Variants in CHSY3 observed in about 807,000 individuals in gnomAD.
CHSY3 encodes the protein N-acetylgalactosaminyl-proteoglycan 3-beta-glucuronosyltransferase 3.
CHSY3 carries 35 observed loss-of-function variants against 67.2 expected under a neutral mutation model. The observed-to-expected ratio is 0.52, with a 90% CI of 0.40 to 0.69. The LOEUF (loss-of-function observed/expected upper bound fraction) is 0.69, where lower values mean the gene tolerates loss of function less well. Among genes scored for constraint, CHSY3 ranks in the 30% least tolerant of loss-of-function variants. The pLI, the probability that CHSY3 is intolerant of heterozygous loss-of-function variation, is 0.00. For synonymous variants in CHSY3, 474 were observed against 434.7 expected (o/e 1.09, Z -1.12); for missense variants, 1,069 against 1,138.5 (o/e 0.94, Z 0.88).
At chr5:129,920,395 G>A (rs763505169) in intron 2 of CHSY3, among the ~76,000 whole-genome samples, 5 of 152,068 alleles carry the variant, frequency 3.3e-5, no homozygotes, top group South Asian at 2.1e-4. Context: ...ACAGACATGC[G>A]CCACTACATC....
chr5:130,178,552 G>A (rs1051015222), intron 2 of CHSY3, among the ~76,000 whole-genome samples: 3 of 151,950 alleles, frequency 2.0e-5, no homozygotes, highest in Non-Finnish European at 4.4e-5. Flanking sequence ...GCACCCGGCC[G>A]TGGTCTGGTT....
At chr5:130,071,370 T>A in intron 2 of CHSY3, among the ~76,000 whole-genome samples, 1 of 152,050 alleles carries the variant, frequency 6.6e-6, no homozygotes, top group East Asian at 1.9e-4. Context: ...AACCTGACAT[T>A]TGTATTCTGT....
chr5:130,035,070 G>A (rs777002738), intron 2 of CHSY3, among the ~76,000 whole-genome samples: 20 of 152,154 alleles, frequency 1.3e-4, no homozygotes, highest in Non-Finnish European at 2.2e-4. Context: ...TGGTGAGATG[G>A]GAATGCATAG....
chr5:129,919,387 A>G (rs1207939000), intron 2 of CHSY3, among the ~76,000 whole-genome samples: 2 of 152,180 alleles, frequency 1.3e-5, no homozygotes, highest in East Asian at 3.9e-4. Flanking sequence ...CTCAGTGGAC[A>G]TAGTTGGTGT....
At chr5:129,941,341 T>A (rs1761692510) in intron 2 of CHSY3, among the ~76,000 whole-genome samples, 1 of 152,190 alleles carries the variant, frequency 6.6e-6, no homozygotes, top group Non-Finnish European at 1.5e-5. Flanking sequence ...AATGTATTAT[T>A]TACGTAAATC....
chr5:129,904,778 C>G lies in CHSY3; in HGVS notation c.-52C>G. On this transcript the variant is annotated 5_prime_UTR_variant, in exon 1 of 3. Coordinates refer to ENST00000305031, the MANE Select transcript of CHSY3 (RefSeq NM_175856.5). ...AGGGGCGGGTGTGAGCCGGGGAAAC[C>G]GCGTGCCGCGCCGCGACAGCCCAGC... is the stretch of plus-strand genomic sequence containing the variant. 1 of 1,311,350 alleles carries G rather than the reference C, an allele frequency of 7.6e-7. No homozygotes were observed. Among genetic ancestry groups the G allele is most frequent in the Non-Finnish European group, 9.7e-7 (1 of 1,031,216 alleles). The allele number at this position is 1,311,350 out of a possible 1,614,324, so 81.2% of individuals were successfully genotyped here.
At chr5:130,107,855 C>A (rs1767461575) in intron 2 of CHSY3, among the ~76,000 whole-genome samples, 1 of 151,672 alleles carries the variant, frequency 6.6e-6, no homozygotes, top group Admixed American at 6.6e-5. Flanking sequence ...CTGCTTAATT[C>A]TTCTCTCTTC....
chr5:129,929,582 T>G lies in CHSY3; in HGVS notation c.1086+21222T>G, dbSNP rs1297066746. The stretch of plus-strand genomic sequence containing the variant: ...TGATTAGTGTAGGTTAGAATGAAGA[T>G]TTCTCATTTACTGCTCAAAAATATA... On this transcript the variant is annotated intron_variant, in intron 2 of 2. Coordinates refer to ENST00000305031, the MANE Select transcript of CHSY3 (RefSeq NM_175856.5). Among the ~76,000 whole-genome samples the G allele has an allele frequency of 2.0e-5, 3 of 152,174 alleles. No individual in the cohort carries two copies. In the East Asian group the frequency reaches 5.8e-4, roughly 29 times the overall value.
At chr5:130,171,454 A>T (rs1233796807) in intron 2 of CHSY3, among the ~76,000 whole-genome samples, 1 of 152,146 alleles carries the variant, frequency 6.6e-6, no homozygotes, top group Non-Finnish European at 1.5e-5. Context: ...TGATTTCTTT[A>T]AGATTTTTAA....
At chr5:129,975,386 T>C (rs1762777524) in intron 2 of CHSY3, among the ~76,000 whole-genome samples, 1 of 152,154 alleles carries the variant, frequency 6.6e-6, no homozygotes, top group Non-Finnish European at 1.5e-5. Flanking sequence ...GACTTATCGT[T>C]GACTTTCAAT....
intron 2 of CHSY3, among the ~76,000 whole-genome samples, chr5:130,082,136 A>G (rs1737819096): frequency 6.6e-6 from 1 of 152,056 alleles, no homozygotes; most frequent in South Asian, 2.1e-4. Context: ...GTTAACCAGA[A>G]CCCAAATGTT....
chr5:130,147,400 T>G (rs1305985727), intron 2 of CHSY3, among the ~76,000 whole-genome samples: 1 of 152,210 alleles, frequency 6.6e-6, no homozygotes, highest in Non-Finnish European at 1.5e-5. Context: ...TTAATGCATT[T>G]GTTTCCTTTT....
At chr5:129,982,373 A>G (rs7721057) in intron 2 of CHSY3, among the ~76,000 whole-genome samples, 47,152 of 151,826 alleles carry the variant, frequency 0.31, 7,720 homozygotes, top group South Asian at 0.44. Context: ...AAATTTTTTT[A>G]ACATAGGAGA....
intron 2 of CHSY3, among the ~76,000 whole-genome samples, chr5:129,965,818 A>G (rs191919172): frequency 2.0e-5 from 3 of 152,042 alleles, no homozygotes; most frequent in Admixed American, 2.0e-4. Flanking sequence ...ATATTACAGA[A>G]TACTGGTTGA....
intron 2 of CHSY3, among the ~76,000 whole-genome samples, chr5:130,006,158 T>C (rs1763866596): frequency 1.3e-5 from 2 of 152,180 alleles, no homozygotes; most frequent in African/African-American, 2.4e-5. Flanking sequence ...TCTTGGATTA[T>C]ACTTGCATAG....
At chr5:130,154,414 CA>C (rs1401426370) in intron 2 of CHSY3, among the ~76,000 whole-genome samples, 1 of 152,168 alleles carries the variant, frequency 6.6e-6, no homozygotes, top group African/African-American at 2.4e-5. Context: ...GAATGGAGGA[CA>C]AAACATTATG....
At chr5:129,977,064 C>G (rs961063911) in intron 2 of CHSY3, among the ~76,000 whole-genome samples, 2 of 151,720 alleles carry the variant, frequency 1.3e-5, no homozygotes, top group Non-Finnish European at 2.9e-5. Flanking sequence ...CATTTTATAC[C>G]TCGAATCTGA....
chr5:129,996,548 A>G (rs1489436069), intron 2 of CHSY3, among the ~76,000 whole-genome samples: 2 of 152,140 alleles, frequency 1.3e-5, no homozygotes, highest in Non-Finnish European at 2.9e-5. Flanking sequence ...GGATTTCTTG[A>G]TTTGGTTTCT....
intron 2 of CHSY3, among the ~76,000 whole-genome samples, chr5:130,020,419 C>CAAAAAAAAAAAAA (rs1764334721): frequency 6.7e-5 from 5 of 74,676 alleles, no homozygotes; most frequent in African/African-American, 2.6e-4. Context: ...GACTTCATCT[C>CAAAAAAAAAAAAA]AAAATATATA....
Sources: gnomAD v4.1 joint callset for allele counts (sites outside exome capture counted in the v4.1 genomes callset) on GRCh38, gnomAD v4.1.1 for gene constraint, MANE v1.5 for transcripts, NCBI Gene and HGNC (gene_info 2026-07-23, HGNC 2026-07-21) for gene names.